USP42: variants seen among roughly 807,000 people sequenced by gnomAD.
USP42 encodes ubiquitin specific peptidase 42, also known as ubiquitin carboxyl-terminal hydrolase 42.
Under a neutral mutation model 113.0 loss-of-function variants are expected in USP42, and 23 were observed. That is an observed-to-expected ratio of 0.20 (90% CI 0.15 to 0.29). USP42 has a LOEUF of 0.29. Among genes scored for constraint, USP42 ranks in the 10% least tolerant of loss-of-function variants. The probability of loss-of-function intolerance (pLI) is 1.00; values close to 1 mark genes in which losing one functional copy is unlikely to be tolerated. For synonymous variants in USP42, 933 were observed against 699.0 expected, an observed-to-expected ratio of 1.33 and a Z score of -5.28; for missense variants, 2,174 against 1,779.8, an observed-to-expected ratio of 1.22 and a Z score of -3.99.
chr7:6,090,789 TAATA>T, the USP42 span, among the ~76,000 whole-genome samples: 1 of 144,942 alleles, frequency 6.9e-6, no homozygotes, highest in Non-Finnish European at 1.5e-5. Context: ...ATATATAACA[TAATA>T]TATATAACAT....
chr7:6,142,286 G>A (rs1461424052), intron 7 of USP42, among the ~76,000 whole-genome samples: 3 of 149,236 alleles, frequency 2.0e-5, no homozygotes, highest in South Asian at 2.1e-4. Context: ...GCTCGATCTC[G>A]GCTCACTGCA....
chr7:6,153,770 A>G lies in USP42; in HGVS notation c.2216A>G (p.Glu739Gly). 6.8e-7 allele frequency: 1 copy of G among 1,470,968 alleles called. No homozygotes were observed. The highest frequency in any genetic ancestry group is 9.0e-7 in the Non-Finnish European group (1 of 1,109,006). The allele number at this position is 1,470,968 out of a possible 1,614,324, so 91.1% of individuals were successfully genotyped here. ...STDEMSAPGA[E>G]RGPPEDRDAE... is the part of the protein sequence containing the mutation. Reference sequence around the variant, plus strand: ...GGGGGCTGCAGTGCACCTGGAGCAGAGAGGGGCCCTCCCGAGGACCGCGAC... The same window carrying G: ...GGGGGCTGCAGTGCACCTGGAGCAGGGAGGGGCCCTCCCGAGGACCGCGAC... The change falls in exon 15 of 18, where the codon GAG (glutamate) becomes GGG (glycine). Residue 739 changes from glutamate (E) to glycine (G), a missense_variant. Coordinates refer to ENST00000306177, the MANE Select transcript of USP42 (RefSeq NM_032172.3).
chr7:6,134,965 T>G (rs1374816988), intron 3 of USP42, among the ~76,000 whole-genome samples: 1 of 152,104 alleles, frequency 6.6e-6, no homozygotes, highest in Non-Finnish European at 1.5e-5. Context: ...TTTCTTTTTA[T>G]TTTTTGTAGA....
intron 1 of USP42, 72 bp from the exon 2 acceptor site, chr7:6,111,053 G>T (rs1779571156): frequency 2.0e-6 from 3 of 1,465,188 alleles, no homozygotes; most frequent in Non-Finnish European, 2.8e-6. Context: ...GATCTTCCAA[G>T]ATCTAACGGT....
chr7:6,134,308 G>A (rs549632570), intron 3 of USP42, among the ~76,000 whole-genome samples: 148 of 152,082 alleles, frequency 9.7e-4, no homozygotes, highest in African/African-American at 3.4e-3. Context: ...TTATTTCTGG[G>A]TCTTTTTCTG....
At chr7:6,160,090 CT>C (rs1782687289) in intron 17 of USP42, among the ~76,000 whole-genome samples, 1 of 152,188 alleles carries the variant, frequency 6.6e-6, no homozygotes, top group Non-Finnish European at 1.5e-5. Flanking sequence ...ATACCTGACC[CT>C]TGTGGAGCTA....
the USP42 span, among the ~76,000 whole-genome samples, chr7:6,091,623 CTTG>C: frequency 6.8e-6 from 1 of 146,316 alleles, no homozygotes; most frequent in Non-Finnish European, 1.5e-5. Flanking sequence ...TAATTTTATT[CTTG>C]TTTTTTTATA....
At chr7:6,130,451 A>G (rs1780791199) in intron 3 of USP42, among the ~76,000 whole-genome samples, 1 of 151,876 alleles carries the variant, frequency 6.6e-6, no homozygotes, top group African/African-American at 2.4e-5. Context: ...TGGGGAGGCC[A>G]TAGTGGTGGC....
At chr7:6,120,513 G>C (rs1232761428) in intron 3 of USP42, among the ~76,000 whole-genome samples, 1 of 152,108 alleles carries the variant, frequency 6.6e-6, no homozygotes, top group Admixed American at 6.5e-5. Context: ...AAAGTGCTGG[G>C]ATTACAGGCA....
intron 3 of USP42, among the ~76,000 whole-genome samples, chr7:6,125,502 C>T (rs1322787456): frequency 6.6e-6 from 1 of 152,112 alleles, no homozygotes; most frequent in East Asian, 1.9e-4. Flanking sequence ...AAACAAAACA[C>T]AACAATATTC....
chr7:6,112,704 C>G (rs906683132), intron 2 of USP42, among the ~76,000 whole-genome samples: 3 of 152,012 alleles, frequency 2.0e-5, no homozygotes, highest in African/African-American at 7.2e-5. Context: ...AATCCGTAAA[C>G]TTTCTTAAAA....
chr7:6,155,010 C>T lies in USP42; in HGVS notation c.3456C>T (p.His1152=). ...GDNCNLSDRF[H]EHENGKSRKR... ...ACTGTAACCTCTCTGATCGGTTTCA[C>T]GAACACGAAAATGGAAAGTCCCGGA... Residue 1152 remains histidine, a synonymous_variant, in exon 15 of 18, where the codon CAC becomes CAT. Transcript: ENST00000306177. The T allele has an allele frequency of 6.4e-6, 10 of 1,565,046 alleles. No homozygotes were observed. The highest frequency in any genetic ancestry group is 8.7e-6 in the Non-Finnish European group (10 of 1,154,566).
intron 7 of USP42, among the ~76,000 whole-genome samples, chr7:6,142,428 G>C (rs1190488212): frequency 6.6e-6 from 1 of 152,088 alleles, no homozygotes; most frequent in East Asian, 1.9e-4. Flanking sequence ...ATGTTAGCCA[G>C]GATGGTCTGG....
chr7:6,141,726 C>T (rs1192099020), intron 7 of USP42, among the ~76,000 whole-genome samples: 1 of 152,016 alleles, frequency 6.6e-6, no homozygotes, highest in Non-Finnish European at 1.5e-5. Flanking sequence ...CTGCCTCTTG[C>T]ATTTTCTGAA....
the USP42 span, among the ~76,000 whole-genome samples, chr7:6,098,029 T>C: frequency 2.0e-5 from 3 of 147,366 alleles, no homozygotes; most frequent in Non-Finnish European, 3.0e-5. Context: ...CTCAGCCTCC[T>C]GAGTAGCTGG....
chr7:6,109,138 A>G (rs557619179), intron 1 of USP42, among the ~76,000 whole-genome samples: 1 of 152,304 alleles, frequency 6.6e-6, no homozygotes, highest in Non-Finnish European at 1.5e-5. Flanking sequence ...CAGAGAAAGT[A>G]AAGTCTAAAC....
At chr7:6,098,255 G>T in the USP42 span, among the ~76,000 whole-genome samples, 2 of 150,288 alleles carry the variant, frequency 1.3e-5, no homozygotes, top group East Asian at 3.9e-4. Flanking sequence ...ATCAGAACCT[G>T]CCCACCCAGC....
In USP42 at chr7:6,158,938, G is replaced by T. The variant is rs972145396; in HGVS notation, c.3944-512G>T. ...CTCGTGTCTCGGGTGCTGTGGTCAG[G>T]CGTTGTCTGTGTGGTGGCCCTGTGT... is the stretch of plus-strand genomic sequence containing the variant. On this transcript the variant is annotated intron_variant, in intron 16 of 17. Coordinates refer to ENST00000306177, the MANE Select transcript of USP42 (RefSeq NM_032172.3). This position sits in a 1 kb window ranked among gnomAD's most constrained non-coding sequence, Gnocchi z 4.2. Among the ~76,000 whole-genome samples the T allele has an allele frequency of 6.7e-6, 1 of 149,336 alleles. No homozygotes were observed. Among genetic ancestry groups the T allele is most frequent in the African/African-American group, 2.5e-5 (1 of 40,550 alleles).
the USP42 span, among the ~76,000 whole-genome samples, chr7:6,097,866 AGGCGTGAGCCACCGCGCCC>A: frequency 6.8e-6 from 1 of 147,038 alleles, no homozygotes; most frequent in Non-Finnish European, 1.5e-5. Flanking sequence ...CTGGGACTAC[AGGCGTGAGCCACCGCGCCC>A]GGCCTTCTTT....
Sources: allele counts gnomAD v4.1 joint callset (sites outside exome capture counted in the v4.1 genomes callset), GRCh38; gene constraint gnomAD v4.1.1; non-coding constraint Gnocchi (gnomAD v3.1); transcripts MANE v1.5; gene names NCBI Gene and HGNC (gene_info 2026-07-23, HGNC 2026-07-21).